Variants in PLXNA1 observed in about 807,000 individuals in gnomAD.
PLXNA1 encodes the protein plexin-A1.
In PLXNA1, 77 loss-of-function variants were observed where a neutral mutation model predicts 191.7. That is an observed-to-expected ratio of 0.40 (90% CI 0.33 to 0.49). PLXNA1 has a LOEUF of 0.49. PLXNA1 is among the 20% of genes least tolerant of loss of function. The probability of loss-of-function intolerance (pLI) is 0.63; values close to 1 mark genes in which losing one functional copy is unlikely to be tolerated. For missense variants in PLXNA1, 2,110 were observed against 2,660.2 expected, an observed-to-expected ratio of 0.79 and a Z score of 4.55; for synonymous variants, 1,137 against 1,156.4, an observed-to-expected ratio of 0.98 and a Z score of 0.34.
At chr3:127,031,241 G>A (rs74722228) in intron 29 of PLXNA1, among the ~76,000 whole-genome samples, 1 of 152,116 alleles carries the variant, frequency 6.6e-6, no homozygotes, top group South Asian at 2.1e-4. Context: ...TTGGCACACT[G>A]TAGCCACACC....
chr3:126,983,120 T>C lies in PLXNA1; in HGVS notation c.-241T>C, dbSNP rs2078938442. ...CGCGCGGCGCTCGGCGCCCCATTCA[T>C]GCTGGGCATCGGCTGCGCGGCCACG... On this transcript the variant is annotated 5_prime_UTR_variant, in exon 1 of 32. An upstream start codon of the reference 5' UTR is lost. Transcript: ENST00000393409. Among the ~76,000 whole-genome samples the C allele has an allele frequency of 6.9e-6, 1 of 145,036 alleles. No individual in the cohort carries two copies.
At chr3:127,002,556 G>A (rs1210639503) in intron 3 of PLXNA1, among the ~76,000 whole-genome samples, 2 of 152,188 alleles carry the variant, frequency 1.3e-5, no homozygotes, top group Non-Finnish European at 1.5e-5. Flanking sequence ...GAGGTAGAGC[G>A]GGAGCAGGAG....
At chr3:127,014,964 C>T (rs2079115562) in intron 14 of PLXNA1, 133 bp downstream of exon 14, 2 of 1,431,512 alleles carry the variant, frequency 1.4e-6, no homozygotes, top group Admixed American at 2.3e-5. Context: ...TGGGTGCTGC[C>T]CCTCCCCTCC....
At chr3:127,027,300 C>T (rs1452631490) in intron 23 of PLXNA1, 4 of 271,728 alleles carry the variant, frequency 1.5e-5, no homozygotes, top group Admixed American at 5.0e-5. Flanking sequence ...GCTGAGGGCC[C>T]GGGGCTGTGC....
In PLXNA1 at chr3:127,016,785, C is replaced by T. The variant is rs139931756; in HGVS notation, c.3182+101C>T. 182 of 1,439,012 alleles carry T rather than the reference C, an allele frequency of 1.3e-4. 2 individuals carry two copies. The African/African-American group carries it at 2.2e-3, about 17-fold the overall frequency. 89.1% of individuals were successfully genotyped at this position (1,439,012 alleles called of 1,614,324 possible). A position where few individuals can be genotyped will look rare whatever the true frequency, so the allele number is the denominator to read the frequency against. On this transcript the variant is annotated intron_variant, in intron 16 of 31. Coordinates refer to ENST00000393409, the MANE Select transcript of PLXNA1 (RefSeq NM_032242.4). ...ACTTGGCGGTGGCCCTCCTGCATGC[C>T]GGGTACTATCCTGCCGGGAAGCACC...
chr3:126,993,110 A>C (rs2078999368), intron 3 of PLXNA1, among the ~76,000 whole-genome samples: 1 of 152,192 alleles, frequency 6.6e-6, no homozygotes, highest in African/African-American at 2.4e-5. Context: ...CGTTTGGGTC[A>C]GAGCTTTGCT....
chr3:126,984,387 A>G (rs1346518215), intron 1 of PLXNA1, among the ~76,000 whole-genome samples: 1 of 152,126 alleles, frequency 6.6e-6, no homozygotes, highest in Non-Finnish European at 1.5e-5. Context: ...ATCTCCTTTC[A>G]CACGTAGCCG....
chr3:126,989,145 G>A lies in PLXNA1; in HGVS notation c.552G>A (p.Lys184=). ...IAGPPGQGQA[K]LFVGTPIDGK... ...GGCCACCGGGCCAGGGCCAGGCCAA[G>A]CTCTTCGTGGGCACACCCATCGATG... The change falls in exon 2 of 32, where the codon AAG becomes AAA. Residue 184 remains lysine (K), a synonymous_variant. Coordinates refer to ENST00000393409, the MANE Select transcript of PLXNA1 (RefSeq NM_032242.4). 6.2e-7 allele frequency: 1 copy of A among 1,613,360 alleles called. No individual in the cohort carries two copies. The highest frequency in any genetic ancestry group is 8.5e-7 in the Non-Finnish European group (1 of 1,180,036).
chr3:126,987,049 G>A (rs1485759273), intron 1 of PLXNA1, among the ~76,000 whole-genome samples: 3 of 152,254 alleles, frequency 2.0e-5, no homozygotes, highest in African/African-American at 7.2e-5. Context: ...CAGCACATCA[G>A]GCACATCCAG....
intron 3 of PLXNA1, 110 bp from the exon 4 acceptor site, chr3:127,003,220 A>G (rs2079049170): frequency 8.0e-7 from 1 of 1,243,432 alleles, no homozygotes; most frequent in Non-Finnish European, 1.1e-6. Flanking sequence ...CTGCTCATGC[A>G]TGTCTGGGCA....
intron 3 of PLXNA1, 84 bp from the exon 4 acceptor site, chr3:127,003,246 T>C (rs2079049356): frequency 6.9e-7 from 1 of 1,447,400 alleles, no homozygotes; most frequent in Non-Finnish European, 9.2e-7. Context: ...GGGAGGGGCT[T>C]TAGACCCCTG....
rs369081095 is a variant in PLXNA1 at position 127,014,245 on chromosome 3, G to A, written c.2474G>A (p.Arg825His). Residue 825 changes from arginine to histidine, a missense_variant, in exon 12 of 32, where the codon CGC becomes CAC. By Grantham distance (29) the Arg-to-His change is conservative. Coordinates refer to ENST00000393409, the MANE Select transcript of PLXNA1 (RefSeq NM_032242.4). ...GGCCTCTGCCTCAAGGCCGACCCGC[G>A]CTTCGAGTGCGGATGGTGCGTGGCC... The part of the protein sequence containing the change: ...SCGLCLKADP[R>H]FECGWCVAER... 5.6e-5 allele frequency: 90 copies of A among 1,602,256 alleles called. No homozygotes were observed. The highest frequency in any genetic ancestry group is 7.1e-5 in the Non-Finnish European group (84 of 1,175,052).
chr3:127,016,907 A>G, intron 16 of PLXNA1, 37 bp from the exon 17 acceptor site: 1 of 1,554,996 alleles, frequency 6.4e-7, no homozygotes, highest in Non-Finnish European at 8.8e-7. Context: ...GGGCCCCAGC[A>G]TCATTTGGTG....
chr3:127,013,943 G>A, intron 10 of PLXNA1, 77 bp from the exon 11 acceptor site: 1 of 1,323,324 alleles, frequency 7.6e-7, no homozygotes, highest in Non-Finnish European at 1.1e-6. Flanking sequence ...TGGCGCCCTG[G>A]TGGCTTTGTG....
chr3:127,034,283 C>T lies in PLXNA1; in HGVS notation c.*266C>T. On this transcript the variant is annotated 3_prime_UTR_variant, in exon 32 of 32. Coordinates refer to ENST00000393409, the MANE Select transcript of PLXNA1 (RefSeq NM_032242.4). ...CTGGGTGCTCAGGCTGGCCAAGGACCTTCATTGCCTGGCAAGAGCTGCCCA... is the reference window on the plus strand; with the variant it reads ...CTGGGTGCTCAGGCTGGCCAAGGACTTTCATTGCCTGGCAAGAGCTGCCCA... 2 of 410,618 alleles carry T rather than the reference C, an allele frequency of 4.9e-6. No homozygotes were observed. Among genetic ancestry groups the T allele is most frequent in the Admixed American group, 3.7e-5 (1 of 26,812 alleles). 25.4% of individuals were successfully genotyped at this position (410,618 alleles called of 1,614,324 possible).
intron 10 of PLXNA1, among the ~76,000 whole-genome samples, chr3:127,012,866 C>T (rs1263874450): frequency 6.6e-6 from 1 of 152,222 alleles, no homozygotes; most frequent in African/African-American, 2.4e-5. Context: ...GCCTCTGTCT[C>T]CCCTTCTGCT....
intron 23 of PLXNA1, among the ~76,000 whole-genome samples, chr3:127,024,558 G>A (rs757401277): frequency 1.3e-4 from 20 of 152,154 alleles, no homozygotes; most frequent in South Asian, 2.1e-4. Flanking sequence ...CAAGGGGTGC[G>A]GGCTGTGTGT....
At chr3:127,002,729 A>T (rs1254385853) in intron 3 of PLXNA1, among the ~76,000 whole-genome samples, 2 of 152,244 alleles carry the variant, frequency 1.3e-5, no homozygotes, top group African/African-American at 4.8e-5. Context: ...AAATACTTGC[A>T]GCATCGTGAG....
At chr3:127,027,467 G>A (rs2079181902) in intron 23 of PLXNA1, 2 of 362,412 alleles carry the variant, frequency 5.5e-6, no homozygotes, top group Admixed American at 7.4e-5. Flanking sequence ...GTGGATCACA[G>A]TCACACTTGG....
Sources: allele counts gnomAD v4.1 joint callset (sites outside exome capture counted in the v4.1 genomes callset), GRCh38; gene constraint gnomAD v4.1.1; transcripts MANE v1.5; gene names NCBI Gene and HGNC (gene_info 2026-07-23, HGNC 2026-07-21).